Variants in ZNF521 observed in about 807,000 individuals in gnomAD.
ZNF521 encodes the protein LYST-interacting protein 3.
ZNF521 carries 14 observed loss-of-function variants against 105.5 expected under a neutral mutation model. The ratio of observed to expected loss-of-function variants is 0.13; its 90% CI spans 0.09 to 0.21. ZNF521 has a LOEUF of 0.21. Ranked by LOEUF, ZNF521 falls within the 10% of genes least tolerant of loss-of-function variation. The pLI, the probability that ZNF521 is intolerant of heterozygous loss-of-function variation, is 1.00. For synonymous variants in ZNF521, 635 were observed against 606.0 expected (o/e 1.05, Z -0.70); for missense variants, 1,233 against 1,629.7 (o/e 0.76, Z 4.19).
chr18:25,229,407 C>T (rs1200629046), intron 3 of ZNF521, among the ~76,000 whole-genome samples: 1 of 152,182 alleles, frequency 6.6e-6, no homozygotes, highest in Non-Finnish European at 1.5e-5. Context: ...TTTGCATCCT[C>T]ATTTATAGGA....
intron 3 of ZNF521, among the ~76,000 whole-genome samples, chr18:25,228,028 T>C (rs1339029884): frequency 1.3e-5 from 2 of 152,224 alleles, no homozygotes; most frequent in East Asian, 1.9e-4. Flanking sequence ...TTTTAATATA[T>C]TTAATGTTTC....
chr18:25,194,365 T>C (rs2035868388), intron 5 of ZNF521, among the ~76,000 whole-genome samples: 1 of 151,810 alleles, frequency 6.6e-6, no homozygotes, highest in Non-Finnish European at 1.5e-5. Flanking sequence ...AAAAATGATC[T>C]GCTTGATAAA....
At chr18:25,144,078 A>T (rs2034899928) in intron 5 of ZNF521, among the ~76,000 whole-genome samples, 1 of 152,168 alleles carries the variant, frequency 6.6e-6, no homozygotes, top group Non-Finnish European at 1.5e-5. Context: ...ATTCATCATT[A>T]GGTATCTAGA....
intron 5 of ZNF521, among the ~76,000 whole-genome samples, chr18:25,110,857 G>A (rs2144297873): frequency 6.6e-6 from 1 of 151,914 alleles, no homozygotes; most frequent in East Asian, 1.9e-4. Context: ...CCACCTCCCA[G>A]GTTCAAGTGA....
At chr18:25,261,809 T>C (rs1908929975) in intron 3 of ZNF521, among the ~76,000 whole-genome samples, 1 of 152,130 alleles carries the variant, frequency 6.6e-6, no homozygotes, top group African/African-American at 2.4e-5. Flanking sequence ...CTGCTGAAAG[T>C]CCTATATATT....
intron 3 of ZNF521, among the ~76,000 whole-genome samples, chr18:25,273,220 CAA>C (rs67381140): frequency 8.4e-3 from 344 of 40,790 alleles, no homozygotes; most frequent in African/African-American, 0.016. Context: ...ACCCTGTCTC[CAA>C]AAAAAAAAAA....
In ZNF521 at chr18:25,062,422, CT is replaced by C. The variant is rs60907023; in HGVS notation, c.*289del. The C allele has an allele frequency of 0.15, 43,647 of 289,388 alleles. 7 individuals are homozygous for C. Among genetic ancestry groups the C allele is most frequent in the East Asian group, 0.23 (3,708 of 16,030 alleles). 17.9% of individuals were successfully genotyped at this position (289,388 alleles called of 1,614,324 possible). On this transcript the variant is annotated 3_prime_UTR_variant, in exon 8 of 8. Transcript: ENST00000361524. Reference sequence around the variant, plus strand: ...TATCTTAAGCCATTTTGGTCATAGTCTTTTTTTTTTTTTAATCTTGCCTGAA... The same window carrying C: ...TATCTTAAGCCATTTTGGTCATAGTCTTTTTTTTTTTTAATCTTGCCTGAA...
At chr18:25,350,196 C>T (rs1386028902) in intron 2 of ZNF521, among the ~76,000 whole-genome samples, 1 of 152,190 alleles carries the variant, frequency 6.6e-6, no homozygotes, top group Non-Finnish European at 1.5e-5. Flanking sequence ...ACAGGGACGA[C>T]GGAGAGCTGG....
chr18:25,258,033 AG>A (rs1437227196), intron 3 of ZNF521, among the ~76,000 whole-genome samples: 1 of 152,154 alleles, frequency 6.6e-6, no homozygotes, highest in Non-Finnish European at 1.5e-5. Context: ...TGCCATTTGG[AG>A]GTATACATGT....
intron 2 of ZNF521, among the ~76,000 whole-genome samples, chr18:25,348,160 T>G (rs1000784106): frequency 6.6e-6 from 1 of 152,206 alleles, no homozygotes. Context: ...TGTTGTTCAC[T>G]GCATATTACT....
intron 5 of ZNF521, among the ~76,000 whole-genome samples, chr18:25,155,165 T>C (rs2144501689): frequency 6.6e-6 from 1 of 152,304 alleles, no homozygotes; most frequent in South Asian, 2.1e-4. Flanking sequence ...CTTGTAACTG[T>C]TGGCCATTTT....
At chr18:25,219,155 AACTG>A (rs1905531962) in intron 4 of ZNF521, among the ~76,000 whole-genome samples, 1 of 152,242 alleles carries the variant, frequency 6.6e-6, no homozygotes, top group Admixed American at 6.5e-5. Flanking sequence ...AGTATGTGTT[AACTG>A]ACTGTTTATG....
chr18:25,191,079 G>A (rs529156704), intron 5 of ZNF521, among the ~76,000 whole-genome samples: 1 of 152,040 alleles, frequency 6.6e-6, no homozygotes, highest in Admixed American at 6.6e-5. Flanking sequence ...TCTAGGACAC[G>A]TTTATTAGTG....
chr18:25,315,631 C>G (rs1320926043), intron 3 of ZNF521: 1 of 152,224 alleles, frequency 6.6e-6, no homozygotes, highest in African/African-American at 2.4e-5. Flanking sequence ...AATCTTATAG[C>G]TGACTTTCAA....
At chr18:25,102,045 T>C (rs1252171919) in intron 5 of ZNF521, among the ~76,000 whole-genome samples, 1 of 152,196 alleles carries the variant, frequency 6.6e-6, no homozygotes, top group Non-Finnish European at 1.5e-5. Context: ...CATGAATCCA[T>C]GTAGTGTCTT....
At chr18:25,124,595 T>C (rs2034504631) in intron 5 of ZNF521, among the ~76,000 whole-genome samples, 1 of 152,224 alleles carries the variant, frequency 6.6e-6, no homozygotes, top group Admixed American at 6.5e-5. Context: ...TAACTCTTAC[T>C]CAGATTTCCT....
intron 3 of ZNF521, among the ~76,000 whole-genome samples, chr18:25,303,748 C>A (rs1600281325): frequency 1.3e-5 from 2 of 152,092 alleles, no homozygotes; most frequent in East Asian, 3.9e-4. Context: ...CAAACTCACA[C>A]TTGGTATAAA....
intron 5 of ZNF521, among the ~76,000 whole-genome samples, chr18:25,165,459 G>C (rs1368579973): frequency 6.6e-6 from 1 of 152,152 alleles, no homozygotes; most frequent in East Asian, 1.9e-4. Context: ...ACCGTCCCCC[G>C]GTAGACTGTC....
At position 25,224,556 on chromosome 18, in the gene ZNF521, T is replaced by C. The variant is rs770894942; in HGVS notation, c.3362A>G (p.Asn1121Ser). 6.2e-7 allele frequency: 1 copy of C among 1,614,076 alleles called. No individual in the cohort carries two copies. The highest frequency in any genetic ancestry group is 1.1e-5 in the South Asian group (1 of 91,072). ...PGTNRPGLGQNENLSAIEGKG... is the reference protein window; with the variant it reads ...PGTNRPGLGQSENLSAIEGKG... Reference sequence around the variant, plus strand: ...CCCCTCAATGGCACTCAGATTCTCATTCTGGCCCAAGCCTGGTCTATTCGT... The same window carrying C: ...CCCCTCAATGGCACTCAGATTCTCACTCTGGCCCAAGCCTGGTCTATTCGT... The change falls in exon 4 of 8, where the codon AAT becomes AGT. Residue 1121 changes from asparagine to serine, a missense_variant. Asn to Ser is a conservative substitution (Grantham distance 46). Transcript: ENST00000361524.
Sources: gnomAD v4.1 joint callset for allele counts (sites outside exome capture counted in the v4.1 genomes callset) on GRCh38, gnomAD v4.1.1 for gene constraint, MANE v1.5 for transcripts, NCBI Gene and HGNC (gene_info 2026-07-23, HGNC 2026-07-21) for gene names.